The following MAPKAP1 variants were observed in gnomAD, a reference collection of about 807,000 sequenced individuals.
MAPKAP1 encodes the protein target of rapamycin complex 2 subunit MAPKAP1.
In MAPKAP1, 20 loss-of-function variants were observed where a neutral mutation model predicts 65.7. The observed-to-expected ratio is 0.30, with a 90% CI of 0.21 to 0.44. The LOEUF (loss-of-function observed/expected upper bound fraction) is 0.44. Among genes scored for constraint, MAPKAP1 ranks in the 20% least tolerant of loss-of-function variants. The pLI, the probability that MAPKAP1 is intolerant of heterozygous loss-of-function variation, is 1.00. For synonymous variants in MAPKAP1, 222 were observed against 244.3 expected, an observed-to-expected ratio of 0.91 and a Z score of 0.85; for missense variants, 423 against 648.0, an observed-to-expected ratio of 0.65 and a Z score of 3.77.
intron 10 of MAPKAP1, among the ~76,000 whole-genome samples, chr9:125,458,950 C>T (rs1442294312): frequency 3.3e-4 from 26 of 78,456 alleles, no homozygotes; most frequent in African/African-American, 1.3e-3. Flanking sequence ...GGGTGGCTGC[C>T]GGGCGGAGAC....
At position 125,630,917 on chromosome 9, in the gene MAPKAP1, C is replaced by T. The variant is rs147170432; in HGVS notation, c.498+26734G>A. On this transcript the variant is annotated intron_variant, in intron 4 of 11. Transcript: ENST00000265960. ...AGCCTGGGCAACAAACAAAGGGAGA[C>T]GCCATCTCTACAAAAAATAATTTTT... 5.7e-4 allele frequency among the ~76,000 whole-genome samples: 87 copies of T among 152,112 alleles called. No individual in the cohort carries two copies. The East Asian group carries it at 0.015, about 26-fold the overall frequency.
At chr9:125,664,297 A>C in intron 3 of MAPKAP1, among the ~76,000 whole-genome samples, 1 of 151,964 alleles carries the variant, frequency 6.6e-6, no homozygotes, top group Non-Finnish European at 1.5e-5. Context: ...CAGTGAGCCG[A>C]GATCATGCTA....
At position 125,697,360 on chromosome 9, in the gene MAPKAP1, T is replaced by C. The variant is rs572798105; in HGVS notation, c.-70+9611A>G. ...ATGATTTATTTTTAAATAATTTGTT[T>C]ATCAAAGAACATTTCTAAAACTGAG... On this transcript the variant is annotated intron_variant, in intron 1 of 11. Coordinates refer to ENST00000265960, the MANE Select transcript of MAPKAP1 (RefSeq NM_001006617.3). Among the ~76,000 whole-genome samples the C allele has an allele frequency of 4.6e-5, 7 of 152,340 alleles. No homozygotes were observed. In the South Asian group the frequency reaches 1.4e-3, roughly 32 times the overall value.
intron 6 of MAPKAP1, among the ~76,000 whole-genome samples, chr9:125,555,492 C>T (rs1475489988): frequency 1.3e-5 from 2 of 152,194 alleles, no homozygotes; most frequent in Non-Finnish European, 2.9e-5. Context: ...CGGGAATAGC[C>T]GGTGTGAGGG....
intron 4 of MAPKAP1, among the ~76,000 whole-genome samples, chr9:125,618,558 T>A (rs904262138): frequency 7.9e-5 from 12 of 152,038 alleles, no homozygotes; most frequent in African/African-American, 2.9e-4. Flanking sequence ...AACACAAATA[T>A]ATAATCTGAT....
At chr9:125,633,283 G>A (rs1833338353) in intron 4 of MAPKAP1, among the ~76,000 whole-genome samples, 1 of 152,204 alleles carries the variant, frequency 6.6e-6, no homozygotes, top group African/African-American at 2.4e-5. Context: ...GCTGATTGTG[G>A]ATAACAAAGA....
intron 5 of MAPKAP1, chr9:125,568,974 T>C: frequency 5.9e-6 from 1 of 170,086 alleles, no homozygotes; most frequent in Non-Finnish European, 1.3e-5. Context: ...CGAAAAAGAA[T>C]TCTAAGGCTA....
At chr9:125,689,058 G>A (rs572926588) in intron 1 of MAPKAP1, among the ~76,000 whole-genome samples, 78 of 152,242 alleles carry the variant, frequency 5.1e-4, no homozygotes, top group African/African-American at 1.7e-3. Context: ...AGGGTTAGGC[G>A]TATAAAGTGC....
chr9:125,495,853 T>C (rs1854921842), intron 8 of MAPKAP1, among the ~76,000 whole-genome samples: 1 of 152,156 alleles, frequency 6.6e-6, no homozygotes, highest in Non-Finnish European at 1.5e-5. Flanking sequence ...TCTAAGGGGC[T>C]AGAGGGAAAG....
At chr9:125,667,245 T>A (rs1456171393) in intron 3 of MAPKAP1, among the ~76,000 whole-genome samples, 2 of 152,194 alleles carry the variant, frequency 1.3e-5, no homozygotes. Flanking sequence ...ATTAGATGTA[T>A]CAAAATTTAA....
Position 125,602,784 on chromosome 9 carries a change from G to C in MAPKAP1, c.499-17057C>G, listed in dbSNP as rs150558426. On this transcript the variant is annotated intron_variant, in intron 4 of 11. Coordinates refer to ENST00000265960, the MANE Select transcript of MAPKAP1 (RefSeq NM_001006617.3). ...TGTGAGGATCGCTCATTCCCTCTTA[G>C]AGCTGTTCGTTAAGTAGGCTGTTCC... is the stretch of plus-strand genomic sequence containing the variant. 9.1e-4 allele frequency among the ~76,000 whole-genome samples: 139 copies of C among 152,244 alleles called. 2 individuals carry two copies. Among genetic ancestry groups the C allele is most frequent in the Middle Eastern group, 6.8e-3 (2 of 294 alleles).
chr9:125,498,177 C>T (rs943528294), intron 8 of MAPKAP1, among the ~76,000 whole-genome samples: 1 of 152,158 alleles, frequency 6.6e-6, no homozygotes, highest in Non-Finnish European at 1.5e-5. Flanking sequence ...CTTATTTAGG[C>T]CAAGATCCAA....
At chr9:125,520,589 C>CA (rs1251471419) in intron 7 of MAPKAP1, among the ~76,000 whole-genome samples, 1 of 152,202 alleles carries the variant, frequency 6.6e-6, no homozygotes, top group Non-Finnish European at 1.5e-5. Flanking sequence ...CTTCTTCGTG[C>CA]AACCCACACT....
chr9:125,545,947 T>A (rs1404686769), intron 6 of MAPKAP1, among the ~76,000 whole-genome samples: 4 of 152,202 alleles, frequency 2.6e-5, no homozygotes, highest in Non-Finnish European at 4.4e-5. Context: ...AAATCCATTG[T>A]GGCACAATGT....
intron 4 of MAPKAP1, among the ~76,000 whole-genome samples, chr9:125,607,543 G>C (rs1589335691): frequency 6.6e-6 from 1 of 152,372 alleles, no homozygotes; most frequent in South Asian, 2.1e-4. Flanking sequence ...TACACAGCTA[G>C]TGAAGCGAGG....
intron 10 of MAPKAP1, among the ~76,000 whole-genome samples, chr9:125,454,545 G>A (rs1853092194): frequency 6.6e-6 from 1 of 152,168 alleles, no homozygotes; most frequent in African/African-American, 2.4e-5. Context: ...AGAAAATACT[G>A]TTTTATCACT....
intron 1 of MAPKAP1, among the ~76,000 whole-genome samples, chr9:125,704,966 T>A (rs1835714055): frequency 6.6e-6 from 1 of 152,196 alleles, no homozygotes; most frequent in Non-Finnish European, 1.5e-5. Flanking sequence ...AGGTCACATA[T>A]CCTGTAAGAA....
At chr9:125,528,762 G>C (rs1208607575) in intron 7 of MAPKAP1, among the ~76,000 whole-genome samples, 2 of 146,624 alleles carry the variant, frequency 1.4e-5, no homozygotes, top group African/African-American at 2.5e-5. Flanking sequence ...CAGGAGAATC[G>C]CCTGAACTCG....
At chr9:125,706,601 G>A (rs1180817758) in intron 1 of MAPKAP1, among the ~76,000 whole-genome samples, 2 of 151,984 alleles carry the variant, frequency 1.3e-5, no homozygotes, top group African/African-American at 4.8e-5. Context: ...GGGAGGGGGA[G>A]AAGGGACGCA....
Sources: allele counts gnomAD v4.1 joint callset (sites outside exome capture counted in the v4.1 genomes callset), GRCh38; gene constraint gnomAD v4.1.1; transcripts MANE v1.5; gene names NCBI Gene and HGNC (gene_info 2026-07-23, HGNC 2026-07-21).